Variants in BABAM2 observed in about 807,000 individuals in gnomAD.
BABAM2 encodes BRISC and BRCA1 A complex member 2.
In BABAM2, 31 loss-of-function variants were observed where a neutral mutation model predicts 54.7. That is an observed-to-expected ratio of 0.57 (90% CI 0.43 to 0.77). The LOEUF (loss-of-function observed/expected upper bound fraction) is 0.77. BABAM2 is among the 30% of genes least tolerant of loss of function. BABAM2 has a pLI of 0.00. For missense variants in BABAM2, 364 were observed against 455.8 expected, an observed-to-expected ratio of 0.80 and a Z score of 1.83; for synonymous variants, 167 against 162.9, an observed-to-expected ratio of 1.03 and a Z score of -0.19.
At chr2:27,905,289 C>A (rs1156797959) in intron 2 of BABAM2, among the ~76,000 whole-genome samples, 3 of 152,066 alleles carry the variant, frequency 2.0e-5, no homozygotes, top group African/African-American at 7.2e-5. Context: ...ACACAGGAAG[C>A]CATCTTTAGA....
At chr2:28,184,689 A>G (rs564639523) in intron 7 of BABAM2, among the ~76,000 whole-genome samples, 3 of 152,200 alleles carry the variant, frequency 2.0e-5, no homozygotes, top group Non-Finnish European at 4.4e-5. Flanking sequence ...TCCATGGTGT[A>G]TATGTGCCAT....
chr2:28,256,797 C>T (rs925565530), intron 10 of BABAM2, among the ~76,000 whole-genome samples: 4 of 149,550 alleles, frequency 2.7e-5, no homozygotes, highest in Non-Finnish European at 4.4e-5. Context: ...TGGGCTCAAG[C>T]GATTCTCCTG....
At chr2:28,146,537 TAGAC>T (rs1212291646) in intron 7 of BABAM2, among the ~76,000 whole-genome samples, 1 of 152,296 alleles carries the variant, frequency 6.6e-6, no homozygotes, top group South Asian at 2.1e-4. Flanking sequence ...AAAAATCTGA[TAGAC>T]AGTGAGCAAA....
intron 10 of BABAM2, among the ~76,000 whole-genome samples, chr2:28,289,063 C>G (rs924875865): frequency 6.6e-6 from 1 of 151,252 alleles, no homozygotes; most frequent in Non-Finnish European, 1.5e-5. Context: ...TTTATACACA[C>G]GCGCACACAC....
chr2:27,910,691 G>C (rs1459115126), intron 2 of BABAM2, among the ~76,000 whole-genome samples: 1 of 152,116 alleles, frequency 6.6e-6, no homozygotes, highest in African/African-American at 2.4e-5. Flanking sequence ...ATGGCATTTT[G>C]TGTGAGGCTT....
At chr2:28,250,846 G>A (rs4666044) in intron 10 of BABAM2, among the ~76,000 whole-genome samples, 1 of 151,896 alleles carries the variant, frequency 6.6e-6, no homozygotes, top group Non-Finnish European at 1.5e-5. Flanking sequence ...TGATCTACCC[G>A]CCATGGCTTC....
intron 7 of BABAM2, among the ~76,000 whole-genome samples, chr2:28,166,904 T>A (rs1015167786): frequency 6.6e-6 from 1 of 152,186 alleles, no homozygotes; most frequent in Non-Finnish European, 1.5e-5. Context: ...GAGTTTTAAA[T>A]GCCTACTGGA....
intron 11 of BABAM2, among the ~76,000 whole-genome samples, chr2:28,332,640 C>G (rs748341529): frequency 6.6e-6 from 1 of 152,188 alleles, no homozygotes; most frequent in Non-Finnish European, 1.5e-5. Flanking sequence ...ACACCCTGCT[C>G]TTGGCAGCCG....
chr2:28,174,686 G>A (rs1253168981), intron 7 of BABAM2, among the ~76,000 whole-genome samples: 2 of 152,202 alleles, frequency 1.3e-5, no homozygotes, highest in Non-Finnish European at 1.5e-5. Context: ...CTAACATGGG[G>A]AGCTGCCTTG....
At chr2:27,923,894 C>T (rs976970600) in intron 2 of BABAM2, among the ~76,000 whole-genome samples, 9 of 152,150 alleles carry the variant, frequency 5.9e-5, no homozygotes, top group African/African-American at 2.2e-4. Context: ...ATCGCCTGAG[C>T]TCGGGAGTTT....
rs1043902006 is a variant in BABAM2, at chr2:28,174,025, C to CA, written c.680+44654dup. The stretch of plus-strand genomic sequence containing the variant: ...ATACAGGTATTCAGGTGAAAAACAA[C>CA]AAAAAAAAAGTTATTGAGGGATGAG... On this transcript the variant is annotated intron_variant, in intron 7 of 11. Coordinates refer to ENST00000379624, the MANE Select transcript of BABAM2 (RefSeq NM_199191.3). Among the ~76,000 whole-genome samples, 135 of 151,146 alleles carry CA rather than the reference C, an allele frequency of 8.9e-4. 1 individual carries two copies. The highest frequency in any genetic ancestry group is 6.8e-3 in the Middle Eastern group (2 of 294).
rs1194065542 is a variant in BABAM2, at chr2:28,112,083, C to CTCTT, written c.571-17126_571-17123dup. 6.2e-4 allele frequency among the ~76,000 whole-genome samples: 61 copies of CTCTT among 98,808 alleles called. 11 individuals are homozygous for CTCTT. The highest frequency in any genetic ancestry group is 1.3e-3 in the African/African-American group (36 of 27,914). 64.8% of individuals were successfully genotyped at this position (98,808 alleles called of 152,430 possible). A position where few individuals can be genotyped will look rare whatever the true frequency, so the allele number is the denominator to read the frequency against. On this transcript the variant is annotated intron_variant, in intron 6 of 11. Coordinates refer to ENST00000379624, the MANE Select transcript of BABAM2 (RefSeq NM_199191.3). ...ATACTTTTTCTTGAGATACCCATTACTCTTTCTTTCTTTCTTTCTTTCTTT... is the reference window on the plus strand; with the variant it reads ...ATACTTTTTCTTGAGATACCCATTACTCTTTCTTTCTTTCTTTCTTTCTTTCTTT...
chr2:28,323,989 G>C (rs1446730043), intron 11 of BABAM2, among the ~76,000 whole-genome samples: 2 of 152,208 alleles, frequency 1.3e-5, no homozygotes, highest in African/African-American at 4.8e-5. Flanking sequence ...TGTTATCATA[G>C]TCATAATTCT....
chr2:27,971,934 A>G (rs1304403081), intron 3 of BABAM2, among the ~76,000 whole-genome samples: 1 of 152,190 alleles, frequency 6.6e-6, no homozygotes, highest in Non-Finnish European at 1.5e-5. Flanking sequence ...AATTTTCTGC[A>G]GTAGAATATT....
intron 10 of BABAM2, among the ~76,000 whole-genome samples, chr2:28,270,842 C>G (rs4666050): frequency 3.9e-5 from 6 of 152,028 alleles, no homozygotes; most frequent in Non-Finnish European, 8.8e-5. Context: ...AAATTTAAAC[C>G]AGTTCTCAAA....
In BABAM2 at chr2:28,296,409, G is replaced by A. The variant is rs549788412; in HGVS notation, c.935-1929G>A. Among the ~76,000 whole-genome samples the A allele has an allele frequency of 1.1e-4, 17 of 152,200 alleles. 1 individual carries two copies. In the South Asian group the frequency reaches 3.1e-3, roughly 28 times the overall value. On this transcript the variant is annotated intron_variant, in intron 10 of 11. Coordinates refer to ENST00000379624, the MANE Select transcript of BABAM2 (RefSeq NM_199191.3). Reference sequence around the variant, plus strand: ...GACTAAAGAGTGGACATTCAAAATCGTGCCCTTTTCTCTGACTGTCGTGTG... The same window carrying A: ...GACTAAAGAGTGGACATTCAAAATCATGCCCTTTTCTCTGACTGTCGTGTG...
At chr2:28,242,067 G>A (rs923974043) in intron 9 of BABAM2, among the ~76,000 whole-genome samples, 2 of 151,860 alleles carry the variant, frequency 1.3e-5, no homozygotes, top group Non-Finnish European at 2.9e-5. Flanking sequence ...AGGCATCACC[G>A]GCACATTTTG....
At chr2:27,990,571 A>G (rs1352957006) in intron 4 of BABAM2, among the ~76,000 whole-genome samples, 1 of 152,174 alleles carries the variant, frequency 6.6e-6, no homozygotes, top group Non-Finnish European at 1.5e-5. Context: ...GCAGAAGGGC[A>G]TGAGTATATA....
intron 6 of BABAM2, among the ~76,000 whole-genome samples, chr2:28,104,617 G>A: frequency 6.6e-6 from 1 of 152,186 alleles, no homozygotes. Context: ...CAACCATTGT[G>A]GAAGACAGTG....
Sources: allele counts gnomAD v4.1 joint callset (sites outside exome capture counted in the v4.1 genomes callset), GRCh38; gene constraint gnomAD v4.1.1; transcripts MANE v1.5; gene names NCBI Gene and HGNC (gene_info 2026-07-23, HGNC 2026-07-21).